Variants in PSORS1C1 observed in about 807,000 individuals in gnomAD.
The protein encoded by PSORS1C1 is psoriasis susceptibility 1 candidate 1.
Under a neutral mutation model 9.4 loss-of-function variants are expected in PSORS1C1, and 7 were observed. The observed-to-expected ratio is 0.75, with a 90% CI of 0.42 to 1.40. The LOEUF (loss-of-function observed/expected upper bound fraction) is 1.40, where lower values mean the gene tolerates loss of function less well. Ranked by LOEUF, PSORS1C1 falls within the 40% of genes most tolerant of loss-of-function variation. The pLI is 0.01. For synonymous variants in PSORS1C1, 63 were observed against 69.4 expected, an observed-to-expected ratio of 0.91 and a Z score of 0.46; for missense variants, 146 against 178.1, an observed-to-expected ratio of 0.82 and a Z score of 1.02.
intron 3 of PSORS1C1, chr6:31,137,560 C>CG (rs878989074): frequency 1.2e-5 from 3 of 241,966 alleles, no homozygotes; most frequent in South Asian, 3.6e-4. Flanking sequence ...TTTATTTTTC[C>CG]GTTTCATGGA....
chr6:31,116,296 C>T (rs1175592236), intron 1 of PSORS1C1: 1 of 1,614,088 alleles, frequency 6.2e-7, no homozygotes, highest in Admixed American at 1.7e-5. Context: ...GATTTTGCCA[C>T]TGGATTGGGA....
At chr6:31,125,272 G>A (rs1253353819) in intron 1 of PSORS1C1, among the ~76,000 whole-genome samples, 4 of 151,998 alleles carry the variant, frequency 2.6e-5, no homozygotes, top group African/African-American at 4.8e-5. Flanking sequence ...CTCTCTGCTT[G>A]GCTCCAGCGA....
intron 3 of PSORS1C1, among the ~76,000 whole-genome samples, chr6:31,131,597 CAAAAAAAAAAAAA>C (rs9281219): frequency 1.3e-5 from 1 of 78,394 alleles, no homozygotes; most frequent in Non-Finnish European, 2.4e-5. Context: ...GACTCCGTCT[CAAAAAAAAAAAAA>C]AAAAAAAAAA....
At chr6:31,118,580 T>G (rs1324888355) in intron 1 of PSORS1C1, 3 of 152,524 alleles carry the variant, frequency 2.0e-5, no homozygotes, top group Non-Finnish European at 4.4e-5. Flanking sequence ...CATCTTTCCT[T>G]ATCTTTCCTT....
intron 1 of PSORS1C1, among the ~76,000 whole-genome samples, chr6:31,125,441 G>A (rs1772637818): frequency 6.6e-6 from 1 of 152,128 alleles, no homozygotes; most frequent in Non-Finnish European, 1.5e-5. Flanking sequence ...TTTCCTGTGC[G>A]GGGAGGGGTG....
intron 3 of PSORS1C1, among the ~76,000 whole-genome samples, chr6:31,130,416 TG>T (rs1269116531): frequency 8.4e-5 from 9 of 107,540 alleles, no homozygotes; most frequent in Admixed American, 9.6e-5. Flanking sequence ...GCTAATTGTT[TG>T]TTTTTTTTTT....
chr6:31,130,083 A>C (rs6906449), intron 3 of PSORS1C1, among the ~76,000 whole-genome samples: 33,247 of 151,806 alleles, frequency 0.22, 4,201 homozygotes, highest in African/African-American at 0.34. Context: ...CAGAGCAAGA[A>C]CCTGTCTCAA....
chr6:31,116,093 G>T lies in PSORS1C1; in HGVS notation c.-229+1202G>T, dbSNP rs753114787. ...GGGTCAGCTAGCTGGGGCCCCAGAG[G>T]CTTCACTTGGGCTAGGATATCCCGG... On this transcript the variant is annotated intron_variant, in intron 1 of 5. Transcript: ENST00000259881. The T allele has an allele frequency of 5.6e-6, 9 of 1,612,042 alleles. No homozygotes were observed. The highest frequency in any genetic ancestry group is 7.6e-6 in the Non-Finnish European group (9 of 1,179,484).
At chr6:31,119,418 G>A (rs1772343859) in intron 1 of PSORS1C1, among the ~76,000 whole-genome samples, 1 of 152,150 alleles carries the variant, frequency 6.6e-6, no homozygotes, top group African/African-American at 2.4e-5. Context: ...ATTCCTCAAG[G>A]GCTATAAGTA....
At chr6:31,137,979 A>G (rs919443729) in intron 3 of PSORS1C1, 21 of 1,509,244 alleles carry the variant, frequency 1.4e-5, no homozygotes, top group Non-Finnish European at 1.9e-5. Context: ...GGGTGGGTCT[A>G]GGTCTGGCTC....
chr6:31,129,254 C>T (rs1772806097), intron 2 of PSORS1C1, among the ~76,000 whole-genome samples: 1 of 152,016 alleles, frequency 6.6e-6, no homozygotes, highest in Non-Finnish European at 1.5e-5. Flanking sequence ...AATCTGTGAT[C>T]CTATTCTGTT....
chr6:31,118,113 A>G (rs1367419713), intron 1 of PSORS1C1: 1 of 154,620 alleles, frequency 6.5e-6, no homozygotes, highest in Non-Finnish European at 1.4e-5. Context: ...CAAAGGGAAG[A>G]AGACAAAAGG....
intron 2 of PSORS1C1, among the ~76,000 whole-genome samples, chr6:31,129,227 T>C (rs573027760): frequency 6.6e-6 from 1 of 152,344 alleles, no homozygotes; most frequent in East Asian, 1.9e-4. Context: ...TCCAAGGTTC[T>C]GGGCTATTGT....
intron 3 of PSORS1C1, among the ~76,000 whole-genome samples, chr6:31,131,736 T>C (rs1262446622): frequency 3.9e-5 from 6 of 152,164 alleles, no homozygotes; most frequent in Admixed American, 3.9e-4. Flanking sequence ...ACTGTACCTC[T>C]CTAGGCCTGT....
intron 1 of PSORS1C1, chr6:31,116,373 G>A (rs1772120948): frequency 1.2e-6 from 2 of 1,609,152 alleles, no homozygotes; most frequent in African/African-American, 2.7e-5. Context: ...CACTGCCGCA[G>A]GGATGGTAGG....
At chr6:31,116,014 C>G (rs1216818061) in intron 1 of PSORS1C1, 2 of 1,555,116 alleles carry the variant, frequency 1.3e-6, no homozygotes, top group Non-Finnish European at 1.7e-6. Flanking sequence ...ACACACACAA[C>G]AGTTGACTTC....
chr6:31,129,347 G>A (rs575299563), intron 2 of PSORS1C1, among the ~76,000 whole-genome samples: 17 of 152,304 alleles, frequency 1.1e-4, no homozygotes, highest in Admixed American at 3.3e-4. Flanking sequence ...GCCAAGGCAG[G>A]TAGAGAGGAA....
chr6:31,137,145 T>TA lies in PSORS1C1; in HGVS notation c.14-1275dup, dbSNP rs754076735. Among the ~76,000 whole-genome samples, 1,164 of 122,116 alleles carry TA rather than the reference T, an allele frequency of 9.5e-3. 9 individuals are homozygous for TA. Among genetic ancestry groups the TA allele is most frequent in the Middle Eastern group, 0.026 (4 of 152 alleles). 80.1% of individuals were successfully genotyped at this position (122,116 alleles called of 152,430 possible). The stretch of plus-strand genomic sequence containing the variant: ...CCTGGGCATAGAGTGAGACTCCGTC[T>TA]AAAAAAAAAAGAAAGAAAAAGAAGA... On this transcript the variant is annotated intron_variant, in intron 3 of 5. Transcript: ENST00000259881.
chr6:31,138,363 ACCCAG>A, intron 3 of PSORS1C1, 62 bp from the exon 4 acceptor site: 1 of 912,224 alleles, frequency 1.1e-6, no homozygotes, highest in Non-Finnish European at 1.7e-6. Flanking sequence ...CCCCAGCCCC[ACCCAG>A]CCCCAGCCCC....
Sources: allele counts gnomAD v4.1 joint callset (sites outside exome capture counted in the v4.1 genomes callset), GRCh38; gene constraint gnomAD v4.1.1; transcripts MANE v1.5; gene names NCBI Gene and HGNC (gene_info 2026-07-23, HGNC 2026-07-21).